TLK1: variants seen among roughly 807,000 people sequenced by gnomAD.
TLK1 encodes the protein serine/threonine-protein kinase tousled-like 1.
TLK1 carries 24 observed loss-of-function variants against 105.3 expected under a neutral mutation model. The observed-to-expected ratio is 0.23, with a 90% CI of 0.17 to 0.32. The LOEUF (loss-of-function observed/expected upper bound fraction) is 0.32. Among genes scored for constraint, TLK1 ranks in the 10% least tolerant of loss-of-function variants. TLK1 has a pLI of 1.00. For synonymous variants in TLK1, 321 were observed against 310.4 expected (o/e 1.03, Z -0.36); for missense variants, 558 against 910.5 (o/e 0.61, Z 4.98).
At chr2:171,095,202 T>C (rs1689402318) in intron 2 of TLK1, among the ~76,000 whole-genome samples, 1 of 150,218 alleles carries the variant, frequency 6.7e-6, no homozygotes. Flanking sequence ...AACCCAACCG[T>C]CCACCCAAAA....
At chr2:171,227,376 A>T (rs1293652090) in intron 1 of TLK1, among the ~76,000 whole-genome samples, 1 of 152,148 alleles carries the variant, frequency 6.6e-6, no homozygotes, top group Non-Finnish European at 1.5e-5. Context: ...ATAGAATGAG[A>T]GCCTGGAGTT....
intron 1 of TLK1, among the ~76,000 whole-genome samples, chr2:171,210,635 CACAA>C (rs1487470593): frequency 2.6e-5 from 4 of 152,154 alleles, no homozygotes; most frequent in Admixed American, 6.5e-5. Context: ...AAAACAAACA[CACAA>C]ACAAACACCC....
rs112709636 is a variant in TLK1 at position 171,139,117 on chromosome 2, T to C, written c.139+21173A>G. Among the ~76,000 whole-genome samples the C allele has an allele frequency of 3.6e-3, 552 of 152,228 alleles. 6 individuals carry two copies. The highest frequency in any genetic ancestry group is 0.012 in the African/African-American group (508 of 41,524). ...ACATTTTTACTTACAGGACAAAGAA[T>C]TGAGTACAGAGCTGAGAAAATACCC... On this transcript the variant is annotated intron_variant, in intron 1 of 20. Transcript: ENST00000431350.
chr2:170,992,579 C>T lies in TLK1; in HGVS notation c.*1201G>A, dbSNP rs2105344729. The T allele has an allele frequency of 1.3e-5, 2 of 152,678 alleles. No homozygotes were observed. The highest frequency in any genetic ancestry group is 3.9e-4 in the East Asian group (2 of 5,188). The allele number at this position is 152,678 out of a possible 1,614,324, so 9.5% of individuals were successfully genotyped here. A position where few individuals can be genotyped will look rare whatever the true frequency, so the allele number is the denominator to read the frequency against. On this transcript the variant is annotated 3_prime_UTR_variant, in exon 21 of 21. Coordinates refer to ENST00000431350, the MANE Select transcript of TLK1 (RefSeq NM_012290.5). The stretch of plus-strand genomic sequence containing the variant: ...GAATAACCATGAACAAATTAAAAAT[C>T]TAGTATCTATGTGTTCTACAGCCCT...
chr2:170,993,668 TAAAAAAA>T lies in TLK1; in HGVS notation c.*105_*111del, dbSNP rs71008739. ...AAACAGTTCTTAACCACGTCTTGTG[TAAAAAAA>T]AAAAAAAAAAAAAAAGAAAAAGAAA... On this transcript the variant is annotated 3_prime_UTR_variant, in exon 21 of 21. Coordinates refer to ENST00000431350, the MANE Select transcript of TLK1 (RefSeq NM_012290.5). The T allele has an allele frequency of 1.8e-3, 775 of 432,860 alleles. No individual in the cohort carries two copies. Among genetic ancestry groups the T allele is most frequent in the Middle Eastern group, 2.1e-3 (3 of 1,424 alleles). 26.8% of individuals were successfully genotyped at this position (432,860 alleles called of 1,614,324 possible).
intron 1 of TLK1, among the ~76,000 whole-genome samples, chr2:171,138,189 A>G (rs1401876860): frequency 6.6e-6 from 1 of 152,218 alleles, no homozygotes; most frequent in Non-Finnish European, 1.5e-5. Flanking sequence ...GCTTATATCA[A>G]GAAGTTTTAG....
intron 11 of TLK1, 82 bp from the exon 12 acceptor site, chr2:171,028,487 G>T: frequency 1.0e-6 from 1 of 958,730 alleles, no homozygotes; most frequent in Non-Finnish European, 1.6e-6. Context: ...AAAATCAAGT[G>T]GAAATACTAA....
chr2:171,148,879 TAAA>T (rs745504391), intron 1 of TLK1, among the ~76,000 whole-genome samples: 1 of 103,950 alleles, frequency 9.6e-6, no homozygotes, highest in South Asian at 3.1e-4. Context: ...GACTCTGTCT[TAAA>T]AAAAAAAAAT....
chr2:171,011,515 C>T, intron 13 of TLK1, 61 bp from the exon 14 acceptor site: 1 of 1,405,998 alleles, frequency 7.1e-7, no homozygotes, highest in Non-Finnish European at 9.9e-7. Flanking sequence ...TCCTTCTACA[C>T]TGAAGTTCTA....
At chr2:171,128,722 ATC>A (rs1169887013) in intron 1 of TLK1, among the ~76,000 whole-genome samples, 7 of 152,122 alleles carry the variant, frequency 4.6e-5, no homozygotes, top group Non-Finnish European at 8.8e-5. Context: ...TTTAAAATCA[ATC>A]TCTCACATTG....
intron 1 of TLK1, among the ~76,000 whole-genome samples, chr2:171,200,953 C>T (rs1047045214): frequency 4.0e-4 from 60 of 150,704 alleles, no homozygotes; most frequent in African/African-American, 1.4e-3. Flanking sequence ...GCAATCTCAG[C>T]TCACTGCAAC....
chr2:171,132,882 A>G (rs1341049766), intron 1 of TLK1, among the ~76,000 whole-genome samples: 1 of 152,144 alleles, frequency 6.6e-6, no homozygotes, highest in Non-Finnish European at 1.5e-5. Context: ...ATAACAAAAC[A>G]CTAAATCTAA....
chr2:171,078,577 T>C (rs896406795), intron 3 of TLK1, among the ~76,000 whole-genome samples: 4 of 151,956 alleles, frequency 2.6e-5, no homozygotes, highest in African/African-American at 9.7e-5. Flanking sequence ...TAGAAGCTTG[T>C]TGGAAATGCA....
At chr2:171,166,665 C>T (rs183184661) in intron 1 of TLK1, among the ~76,000 whole-genome samples, 6 of 152,272 alleles carry the variant, frequency 3.9e-5, no homozygotes, top group East Asian at 1.9e-4. Flanking sequence ...AAAGATATTT[C>T]GTAAGGTAGT....
chr2:171,039,652 T>TA (rs1238096292), intron 11 of TLK1, among the ~76,000 whole-genome samples: 1 of 152,216 alleles, frequency 6.6e-6, no homozygotes, highest in African/African-American at 2.4e-5. Context: ...GAAACACTCT[T>TA]AGTTATCTCA....
rs994780886 is a variant in TLK1 at position 171,022,776 on chromosome 2, C to T, written c.1236+5563G>A. The stretch of plus-strand genomic sequence containing the variant: ...CATATGCAAACTTATTCTTTGTGGT[C>T]ATACTAAGGGTTTGATAAGTCAGAT... On this transcript the variant is annotated intron_variant, in intron 12 of 20. Coordinates refer to ENST00000431350, the MANE Select transcript of TLK1 (RefSeq NM_012290.5). The T allele has an allele frequency of 1.6e-5, 3 of 190,028 alleles. No individual in the cohort carries two copies. In the Admixed American group the frequency reaches 1.6e-4, roughly 10 times the overall value. The allele number at this position is 190,028 out of a possible 1,614,324, so 11.8% of individuals were successfully genotyped here. A position where few individuals can be genotyped will look rare whatever the true frequency, so the allele number is the denominator to read the frequency against.
chr2:171,127,811 T>C (rs1167812520), intron 1 of TLK1, among the ~76,000 whole-genome samples: 1 of 133,850 alleles, frequency 7.5e-6, no homozygotes, highest in East Asian at 2.1e-4. Context: ...CTTTATTCAC[T>C]AAATAGTTTC....
At chr2:171,032,419 C>T (rs1049579025) in intron 11 of TLK1, among the ~76,000 whole-genome samples, 2 of 151,960 alleles carry the variant, frequency 1.3e-5, no homozygotes, top group Non-Finnish European at 2.9e-5. Context: ...GAGAGCAATG[C>T]ACAAAAATCA....
intron 11 of TLK1, among the ~76,000 whole-genome samples, chr2:171,042,501 C>T (rs1558902085): frequency 6.6e-6 from 1 of 152,066 alleles, no homozygotes; most frequent in Non-Finnish European, 1.5e-5. Context: ...TCCACCTTGG[C>T]CTTCCAAAAC....
Sources: allele counts gnomAD v4.1 joint callset (sites outside exome capture counted in the v4.1 genomes callset), GRCh38; gene constraint gnomAD v4.1.1; transcripts MANE v1.5; gene names NCBI Gene and HGNC (gene_info 2026-07-23, HGNC 2026-07-21).